SUN1: variants seen among roughly 807,000 people sequenced by gnomAD.
SUN1 encodes the protein Sad1 and UNC84 domain containing 1, also known as SUN domain-containing protein 1.
A neutral mutation model predicts 103.2 loss-of-function variants in SUN1; 61 were observed. That is an observed-to-expected ratio of 0.59 (90% CI 0.48 to 0.73). The LOEUF (loss-of-function observed/expected upper bound fraction) is 0.73, where lower values mean the gene tolerates loss of function less well. SUN1 is among the 30% of genes least tolerant of loss of function. The probability of loss-of-function intolerance (pLI) is 0.00; values close to 1 mark genes in which losing one functional copy is unlikely to be tolerated. For missense variants in SUN1, 1,052 were observed against 1,034.6 expected (o/e 1.02, Z -0.23); for synonymous variants, 490 against 425.7 (o/e 1.15, Z -1.86).
intron 5 of SUN1, among the ~76,000 whole-genome samples, chr7:845,872 T>C (rs1238298693): frequency 4.6e-5 from 7 of 152,160 alleles, no homozygotes; most frequent in African/African-American, 1.7e-4. Flanking sequence ...CATTAACGTG[T>C]GCGGCTTGGG....
intron 17 of SUN1, among the ~76,000 whole-genome samples, chr7:872,255 C>T (rs1017342449): frequency 3.9e-5 from 6 of 152,086 alleles, no homozygotes; most frequent in Admixed American, 1.3e-4. Flanking sequence ...ATCGTGCTGA[C>T]CTCAGGACAT....
intron 5 of SUN1, chr7:850,031 C>T: frequency 6.3e-7 from 1 of 1,584,150 alleles, no homozygotes; most frequent in Non-Finnish European, 8.5e-7. Flanking sequence ...TGGGCATGTG[C>T]AGGTTGTCTC....
intron 14 of SUN1, 34 bp from the exon 15 acceptor site, chr7:861,346 G>C: frequency 6.2e-7 from 1 of 1,611,660 alleles, no homozygotes; most frequent in Non-Finnish European, 8.5e-7. Flanking sequence ...CTCCTGTTCT[G>C]GTGTTTGGTC....
intron 9 of SUN1, 123 bp downstream of exon 9, chr7:853,075 CAGATAAGCAA>C: frequency 7.6e-7 from 1 of 1,318,810 alleles, no homozygotes; most frequent in Non-Finnish European, 1.0e-6. Context: ...TTTTAAATGT[CAGATAAGCAA>C]GTCTTTGGAG....
Position 843,357 on chromosome 7 carries a change from C to G in SUN1, c.495C>G (p.Ala165=), listed in dbSNP as rs1361616829. 1 of 1,606,868 alleles carries G rather than the reference C, an allele frequency of 6.2e-7. No homozygotes were observed. Among genetic ancestry groups the G allele is most frequent in the African/African-American group, 1.3e-5 (1 of 74,686 alleles). ...AAACTTTAGGTGGAAATAAAGCTGC[C>G]ATTCAGGGAAACGGGGATGTGGGAG... is the stretch of plus-strand genomic sequence containing the variant. ...DGDLKGGNKA[A]IQGNGDVGAA... The change falls in exon 5 of 19, where the codon GCC becomes GCG. Residue 165 remains alanine (A), a synonymous_variant. Coordinates refer to ENST00000401592, the MANE Select transcript of SUN1 (RefSeq NM_001130965.3).
Position 869,288 on chromosome 7 carries a change from T to C in SUN1, c.1981-61T>C, listed in dbSNP as rs1839739811. On this transcript the variant is annotated intron_variant, in intron 16 of 18. Coordinates refer to ENST00000401592, the MANE Select transcript of SUN1 (RefSeq NM_001130965.3). Reference sequence around the variant, plus strand: ...CAGTATAATCAGTCTTTCCTCTTCCTGCTGCTAAGTGGGTAAGAGCATGCT... The same window carrying C: ...CAGTATAATCAGTCTTTCCTCTTCCCGCTGCTAAGTGGGTAAGAGCATGCT... 13 of 1,550,128 alleles carry C rather than the reference T, an allele frequency of 8.4e-6. No individual in the cohort carries two copies. In the East Asian group the frequency reaches 2.9e-4, roughly 35 times the overall value.
chr7:835,609 C>T (rs991395202), intron 1 of SUN1, among the ~76,000 whole-genome samples: 14 of 152,122 alleles, frequency 9.2e-5, no homozygotes, highest in African/African-American at 3.4e-4. Flanking sequence ...TGCAGTCATT[C>T]TTTGGTTTCT....
At chr7:871,536 C>T (rs1022044685) in intron 17 of SUN1, among the ~76,000 whole-genome samples, 1 of 152,140 alleles carries the variant, frequency 6.6e-6, no homozygotes, top group Non-Finnish European at 1.5e-5. Flanking sequence ...CACAGGCGCC[C>T]GCCACCACAC....
chr7:830,464 C>T (rs1412165231), upstream of SUN1, among the ~76,000 whole-genome samples: 2 of 152,152 alleles, frequency 1.3e-5, no homozygotes, highest in African/African-American at 2.4e-5. Flanking sequence ...TGATAGATTC[C>T]GCATATTTTG....
rs545976247 is a variant in SUN1 at position 856,671 on chromosome 7, G to C, written c.1394+270G>C. Among the ~76,000 whole-genome samples the C allele has an allele frequency of 1.1e-4, 16 of 152,306 alleles. No homozygotes were observed. In the East Asian group the frequency reaches 2.9e-3, roughly 28 times the overall value. On this transcript the variant is annotated intron_variant, in intron 12 of 18. Transcript: ENST00000401592. ...TCCGCGCCCCTGCTGTGACCCGGAG[G>C]GCTTCATCTCCAGGGTCCTTGCAGG...
chr7:870,984 G>A (rs1026198848), intron 17 of SUN1, among the ~76,000 whole-genome samples: 1 of 149,936 alleles, frequency 6.7e-6, no homozygotes, highest in South Asian at 2.1e-4. Flanking sequence ...TCCGCCTCCC[G>A]GGTTCAAGCG....
chr7:819,712 T>C (rs1281981419), intron 1 of SUN1, among the ~76,000 whole-genome samples: 1 of 150,256 alleles, frequency 6.7e-6, no homozygotes, highest in African/African-American at 2.4e-5. Context: ...TGCCACCCTT[T>C]TTTTTTTTTT....
chr7:818,852 C>G (rs549819217), intron 1 of SUN1, among the ~76,000 whole-genome samples: 5 of 141,700 alleles, frequency 3.5e-5, no homozygotes, highest in African/African-American at 1.4e-4. Context: ...TCAGGTCCTT[C>G]CCCGCTCCCC....
chr7:871,450 C>T (rs1841601112), intron 17 of SUN1, among the ~76,000 whole-genome samples: 1 of 152,270 alleles, frequency 6.6e-6, no homozygotes. Context: ...TGCAGTGGCA[C>T]GATCTCAGTT....
chr7:828,840 A>C (rs1001393198), upstream of SUN1, among the ~76,000 whole-genome samples: 25 of 152,312 alleles, frequency 1.6e-4, no homozygotes, highest in African/African-American at 5.3e-4. Context: ...GGATCTTCCC[A>C]CAGTCCCCTC....
chr7:857,255 T>C (rs1251543905), intron 12 of SUN1, among the ~76,000 whole-genome samples: 2 of 152,232 alleles, frequency 1.3e-5, no homozygotes, highest in African/African-American at 2.4e-5. Context: ...CATGTTCCTC[T>C]TCTGTGAGGA....
chr7:851,585 C>T, intron 6 of SUN1, 103 bp downstream of exon 6: 2 of 1,006,610 alleles, frequency 2.0e-6, no homozygotes, highest in Non-Finnish European at 3.0e-6. Context: ...TTTAGGCTCT[C>T]ATGCTTTGAC....
chr7:844,302 T>G (rs1482220089), intron 5 of SUN1, among the ~76,000 whole-genome samples: 1 of 152,166 alleles, frequency 6.6e-6, no homozygotes, highest in African/African-American at 2.4e-5. Flanking sequence ...TGCTGCCTGG[T>G]TCTCAAGCCC....
upstream of SUN1, among the ~76,000 whole-genome samples, chr7:830,006 C>T (rs1375919780): frequency 6.6e-6 from 1 of 152,180 alleles, no homozygotes; most frequent in Non-Finnish European, 1.5e-5. Context: ...TTATTTTATC[C>T]TATAATTTAA....
Sources: gnomAD v4.1 joint callset for allele counts (sites outside exome capture counted in the v4.1 genomes callset) on GRCh38, gnomAD v4.1.1 for gene constraint, MANE v1.5 for transcripts, NCBI Gene and HGNC (gene_info 2026-07-23, HGNC 2026-07-21) for gene names.